The following XKR9 variants were observed in gnomAD, a reference collection of about 807,000 sequenced individuals.
XKR9 encodes the protein XK-related protein 9.
Under a neutral mutation model 32.0 loss-of-function variants are expected in XKR9, and 32 were observed. The observed-to-expected ratio is 1.00, with a 90% CI of 0.76 to 1.34. The LOEUF (loss-of-function observed/expected upper bound fraction) is 1.34, where lower values mean the gene tolerates loss of function less well. Ranked by LOEUF, XKR9 falls within the 40% of genes most tolerant of loss-of-function variation. The pLI is 0.00. For missense variants in XKR9, 546 were observed against 429.7 expected (o/e 1.27, Z -2.39); for synonymous variants, 168 against 143.4 (o/e 1.17, Z -1.22).
chr8:70,846,224 G>C, the XKR9 span, among the ~76,000 whole-genome samples: 1 of 152,028 alleles, frequency 6.6e-6, no homozygotes, highest in Admixed American at 6.5e-5. Context: ...ATAAATGAAG[G>C]CGAAAGAAAG....
At chr8:70,709,617 A>G (rs572214908) in intron 4 of XKR9, among the ~76,000 whole-genome samples, 1 of 152,216 alleles carries the variant, frequency 6.6e-6, no homozygotes, top group Admixed American at 6.5e-5. Context: ...GGTATACAAG[A>G]TCGATGTACA....
At chr8:70,967,240 G>A in the XKR9 span, among the ~76,000 whole-genome samples, 1 of 151,760 alleles carries the variant, frequency 6.6e-6, no homozygotes, top group Non-Finnish European at 1.5e-5. Context: ...TTTTGTTTTT[G>A]TATGTTTTTT....
At chr8:70,954,183 G>T in the XKR9 span, among the ~76,000 whole-genome samples, 13 of 152,184 alleles carry the variant, frequency 8.5e-5, no homozygotes, top group Non-Finnish European at 2.9e-5. Flanking sequence ...AGCAGGGCAG[G>T]CTGCCTGACC....
the XKR9 span, among the ~76,000 whole-genome samples, chr8:71,028,844 G>A: frequency 6.6e-6 from 1 of 151,976 alleles, no homozygotes; most frequent in African/African-American, 2.4e-5. Context: ...TCACAGATTT[G>A]GGACTAGCTC....
chr8:70,869,369 GC>G, the XKR9 span, among the ~76,000 whole-genome samples: 1 of 152,180 alleles, frequency 6.6e-6, no homozygotes, highest in African/African-American at 2.4e-5. Flanking sequence ...ATGGCAGAAG[GC>G]AAGAAAGAGT....
chr8:70,733,681 A>T, intron 4 of XKR9, 115 bp from the exon 5 acceptor site: 1 of 977,822 alleles, frequency 1.0e-6, no homozygotes, highest in Non-Finnish European at 1.4e-6. Context: ...GAGAAGAGTA[A>T]AGTATGTGAC....
At chr8:70,847,542 A>T in the XKR9 span, among the ~76,000 whole-genome samples, 1 of 151,934 alleles carries the variant, frequency 6.6e-6, no homozygotes, top group African/African-American at 2.4e-5. Context: ...ACAAAAAGTT[A>T]TTTGTTTGAA....
At chr8:71,039,240 T>C in the XKR9 span, among the ~76,000 whole-genome samples, 2 of 152,324 alleles carry the variant, frequency 1.3e-5, no homozygotes, top group Admixed American at 6.5e-5. Flanking sequence ...TCTCAACTTA[T>C]AATGGGGTTA....
At chr8:70,873,227 G>C in the XKR9 span, among the ~76,000 whole-genome samples, 2 of 152,200 alleles carry the variant, frequency 1.3e-5, no homozygotes, top group Non-Finnish European at 2.9e-5. Context: ...ATGTACAGGA[G>C]ATGAATGTTG....
At chr8:71,012,673 T>A in the XKR9 span, among the ~76,000 whole-genome samples, 1 of 152,138 alleles carries the variant, frequency 6.6e-6, no homozygotes. Context: ...CATAGGTGGT[T>A]TTTTTCTCAT....
the XKR9 span, among the ~76,000 whole-genome samples, chr8:70,859,582 A>T: frequency 2.6e-5 from 4 of 152,176 alleles, no homozygotes; most frequent in Admixed American, 6.6e-5. Flanking sequence ...TAGCCAAGAT[A>T]GAGAATCAAC....
At chr8:70,752,199 C>A (rs942355328) in intron 2 of XKR9, among the ~76,000 whole-genome samples, 3 of 152,216 alleles carry the variant, frequency 2.0e-5, no homozygotes, top group Non-Finnish European at 4.4e-5. Context: ...TGAATGGAAT[C>A]ATATAGGATA....
the XKR9 span, among the ~76,000 whole-genome samples, chr8:70,987,401 C>A: frequency 1.3e-5 from 2 of 152,268 alleles, no homozygotes; most frequent in Non-Finnish European, 2.9e-5. Flanking sequence ...TACAACTGTT[C>A]GAAATGGGAG....
At chr8:70,808,835 G>T in the XKR9 span, among the ~76,000 whole-genome samples, 1 of 152,218 alleles carries the variant, frequency 6.6e-6, no homozygotes. Flanking sequence ...AGCTCACGGA[G>T]GCCTGCCTGC....
the XKR9 span, among the ~76,000 whole-genome samples, chr8:71,034,752 C>T: frequency 1.3e-5 from 2 of 151,932 alleles, no homozygotes; most frequent in Non-Finnish European, 1.5e-5. Flanking sequence ...CGGTCCCGGA[C>T]GTCATGGAAC....
the XKR9 span, among the ~76,000 whole-genome samples, chr8:70,881,172 G>A: frequency 6.6e-6 from 1 of 151,704 alleles, no homozygotes; most frequent in African/African-American, 2.4e-5. Flanking sequence ...AACCCTTGAA[G>A]AGAACCTAGG....
At chr8:71,053,773 G>T in the XKR9 span, among the ~76,000 whole-genome samples, 1 of 152,172 alleles carries the variant, frequency 6.6e-6, no homozygotes, top group Non-Finnish European at 1.5e-5. Context: ...GGCTGAGCTG[G>T]TGACTGCTTT....
intron 4 of XKR9, among the ~76,000 whole-genome samples, chr8:70,728,055 T>G (rs1308292437): frequency 1.3e-5 from 2 of 152,144 alleles, no homozygotes; most frequent in Non-Finnish European, 2.9e-5. Flanking sequence ...GAAAGAGGCT[T>G]GTTTTGGGAA....
chr8:70,705,695 C>G (rs1425605167), intron 3 of XKR9, among the ~76,000 whole-genome samples: 1 of 152,052 alleles, frequency 6.6e-6, no homozygotes, highest in East Asian at 1.9e-4. Context: ...GGATTTCGTT[C>G]TAAGTTTGAT....
Sources: allele counts gnomAD v4.1 joint callset (sites outside exome capture counted in the v4.1 genomes callset), GRCh38; gene constraint gnomAD v4.1.1; transcripts MANE v1.5; gene names NCBI Gene and HGNC (gene_info 2026-07-23, HGNC 2026-07-21).